The following GOLGA6L22 variants were observed in gnomAD, a reference collection of about 807,000 sequenced individuals.
GOLGA6L22 encodes the protein golgin A6 family like 22.
GOLGA6L22 carries 28 observed loss-of-function variants against 77.1 expected under a neutral mutation model. The ratio of observed to expected loss-of-function variants is 0.36; its 90% confidence interval spans 0.27 to 0.50. The LOEUF is 0.50. GOLGA6L22 is among the 20% of genes least tolerant of loss of function. The pLI is 0.97. For missense variants in GOLGA6L22, 250 were observed against 620.4 expected (o/e 0.40, Z 6.34); for synonymous variants, 62 against 185.3 (o/e 0.33, Z 5.41).
chr15:22,461,959 C>A, intron 2 of GOLGA6L22, 75 bp from the exon 3 acceptor site: 1 of 1,395,868 alleles, frequency 7.2e-7, no homozygotes, highest in South Asian at 1.3e-5. Flanking sequence ...GACAGTGGTG[C>A]CATTCTGGGG....
At position 22,464,604 on chromosome 15, in the gene GOLGA6L22, G is replaced by A. The variant is rs1487317915; in HGVS notation, c.633+233G>A. 1.6e-5 allele frequency among the ~76,000 whole-genome samples: 2 copies of A among 124,282 alleles called. 1 individual carries two copies. The highest frequency in any genetic ancestry group is 3.3e-5 in the Non-Finnish European group (2 of 61,424). 81.5% of individuals were successfully genotyped at this position (124,282 alleles called of 152,430 possible). On this transcript the variant is annotated intron_variant, in intron 7 of 8. Coordinates refer to ENST00000622895, the Ensembl canonical transcript of GOLGA6L22. ...AAAAATATTTTTTTAAAGGATCATG[G>A]ATGAAAACCATTATTTTATAGATTA... is the stretch of plus-strand genomic sequence containing the variant.
chr15:22,466,358 C>T lies in GOLGA6L22; in HGVS notation c.1966C>T (p.Gln656Ter). ...AGAGCAGGAGGAGATGATGCAGGAA[C>T]AGGAAGAGAAGATGGGGGAGCAGGA... The change falls in exon 8 of 9, where the codon CAG (glutamine) becomes TAG (stop). Residue 656 changes from glutamine (Q) to a stop codon, truncating the protein, a stop_gained. Transcript: ENST00000622895. LOFTEE classifies it high-confidence loss of function. 1.5e-6 allele frequency: 2 copies of T among 1,365,274 alleles called. No individual in the cohort carries two copies. Among genetic ancestry groups the T allele is most frequent in the Non-Finnish European group, 9.8e-7 (1 of 1,018,038 alleles). 84.6% of individuals were successfully genotyped at this position (1,365,274 alleles called of 1,614,324 possible).
At chr15:22,466,048 G>T (rs1325771874) in exon 8 of GOLGA6L22, 3 of 859,332 alleles carry the variant, frequency 3.5e-6, no homozygotes, top group Admixed American at 2.4e-5. Context: ...GGCAGGAGCA[G>T]GAGGAGAAGA....
intron 5 of GOLGA6L22, among the ~76,000 whole-genome samples, chr15:22,463,518 G>A (rs1294010922): frequency 7.6e-6 from 1 of 132,144 alleles, no homozygotes; most frequent in Non-Finnish European, 1.6e-5. Flanking sequence ...CGGTGTGGTG[G>A]CACATGCCTG....
intron 5 of GOLGA6L22, among the ~76,000 whole-genome samples, chr15:22,463,064 C>G (rs1208542040): frequency 1.4e-4 from 19 of 134,052 alleles, no homozygotes; most frequent in East Asian, 4.0e-4. Context: ...ATCAGATATA[C>G]CTGGGTGTTG....
rs867342533 is a variant in GOLGA6L22, at chr15:22,465,780, G to T, written c.1388G>T (p.Arg463Leu). ...GTGTGGAGGCAGGAGGAGAAGATAC[G>T]GGAGCAGGAGAAGAAACGGGAGCAG... The change falls in exon 8 of 9, where the codon CGG (arginine) becomes CTG (leucine). Residue 463 changes from arginine to leucine, a missense_variant. Arg to Leu is a moderately radical substitution (Grantham distance 102, BLOSUM62 -2). Transcript: ENST00000622895. 3 of 1,381,742 alleles carry T rather than the reference G, an allele frequency of 2.2e-6. 1 individual carries two copies. The highest frequency in any genetic ancestry group is 2.9e-6 in the Non-Finnish European group (3 of 1,047,168). The allele number at this position is 1,381,742 out of a possible 1,614,324, so 85.6% of individuals were successfully genotyped here.
chr15:22,461,002 G>C, intron 2 of GOLGA6L22, 54 bp downstream of exon 2: 1 of 1,238,256 alleles, frequency 8.1e-7, no homozygotes, highest in Non-Finnish European at 1.1e-6. Context: ...GGGTGGTGGA[G>C]GGTAATTGTT....
At chr15:22,468,800 A>G (rs1341163062) in exon 9 of GOLGA6L22, 4 of 43,310 alleles carry the variant, frequency 9.2e-5, no homozygotes, top group Non-Finnish European at 1.5e-4. Context: ...AGCCTCCCAA[A>G]GTGCTGGGAT....
rs1887732001 is a variant in GOLGA6L22 at position 22,466,583 on chromosome 15, C to CAAGAACA, written c.2191_2192insAAGAACA (p.Arg731GlnfsTer46). 2 of 1,147,846 alleles carry CAAGAACA rather than the reference C, an allele frequency of 1.7e-6. No homozygotes were observed. Among genetic ancestry groups the CAAGAACA allele is most frequent in the Non-Finnish European group, 2.4e-6 (2 of 829,814 alleles). 71.1% of individuals were successfully genotyped at this position (1,147,846 alleles called of 1,614,324 possible). ...GATGCAAGAACAGGAGGAGAAGATG[C>CAAGAACA]GGAGGCAGGAGGAGAAGATAAGGGA... On this transcript the variant is annotated frameshift_variant, in exon 8 of 9. Transcript: ENST00000622895. LOFTEE classifies it high-confidence loss of function.
At chr15:22,465,935 C>A in exon 8 of GOLGA6L22, 1 of 971,376 alleles carries the variant, frequency 1.0e-6, no homozygotes. Flanking sequence ...GGAGAAGAGG[C>A]AGGAGCAGGA....
At chr15:22,468,600 T>C (rs1887771581) in exon 9 of GOLGA6L22, 1 of 19,542 alleles carries the variant, frequency 5.1e-5, no homozygotes, top group Non-Finnish European at 1.0e-4. Flanking sequence ...CAGGCTCTAG[T>C]GCAATGGCAC....
intron 7 of GOLGA6L22, among the ~76,000 whole-genome samples, chr15:22,464,788 CA>C: frequency 7.9e-6 from 1 of 127,074 alleles, no homozygotes; most frequent in Non-Finnish European, 1.6e-5. Context: ...GCTGGGACTA[CA>C]GGTGCCCACC....
rs545444489 is a variant in GOLGA6L22 at position 22,466,501 on chromosome 15, A to C, written c.2109A>C (p.Arg703=). 11 of 863,604 alleles carry C rather than the reference A, an allele frequency of 1.3e-5. No individual in the cohort carries two copies. In the African/African-American group the frequency reaches 2.6e-4, roughly 21 times the overall value. The allele number at this position is 863,604 out of a possible 1,614,324, so 53.5% of individuals were successfully genotyped here. Residue 703 remains arginine, a synonymous_variant, in exon 8 of 9, where the codon CGA becomes CGC. Transcript: ENST00000622895. ...TACGGGAGCAGGAGGAGAAGATACGAGAGCAGGAGGAGATGATGCAGGAAC... is the reference window on the plus strand; with the variant it reads ...TACGGGAGCAGGAGGAGAAGATACGCGAGCAGGAGGAGATGATGCAGGAAC...
At chr15:22,466,820 C>A in exon 8 of GOLGA6L22, 1 of 527,510 alleles carries the variant, frequency 1.9e-6, no homozygotes, top group Non-Finnish European at 3.2e-6. Flanking sequence ...GATGCAGGAA[C>A]ACTAGGTGAG....
intron 5 of GOLGA6L22, among the ~76,000 whole-genome samples, 191 bp from the exon 6 acceptor site, chr15:22,463,650 A>C (rs1887590606): frequency 7.8e-6 from 1 of 129,032 alleles, no homozygotes; most frequent in East Asian, 2.2e-4. Context: ...AAACTCTGCC[A>C]AAAAAAAAAA....
exon 8 of GOLGA6L22, chr15:22,466,514 A>T (rs1321493783): frequency 1.7e-6 from 2 of 1,151,016 alleles, no homozygotes; most frequent in Non-Finnish European, 2.4e-6. Flanking sequence ...GCAGGAGGAG[A>T]TGATGCAGGA....
Position 22,462,022 on chromosome 15 carries a change from C to T in GOLGA6L22, c.181-12C>T, listed in dbSNP as rs1173218855. ...TACCCCTAGTAAGAGCTCTGTTTTC[C>T]TCTTTCTATAGGAACAGAAGGCAAG... On this transcript the variant is annotated splice_polypyrimidine_tract_variant and intron_variant, in intron 2 of 8. Transcript: ENST00000622895. The T allele has an allele frequency of 6.8e-7, 1 of 1,461,902 alleles. No individual in the cohort carries two copies. Among genetic ancestry groups the T allele is most frequent in the East Asian group, 2.4e-5 (1 of 42,504 alleles). The allele number at this position is 1,461,902 out of a possible 1,614,324, so 90.6% of individuals were successfully genotyped here.
At chr15:22,469,054 A>G (rs1303880899) in exon 9 of GOLGA6L22, 2 of 132,064 alleles carry the variant, frequency 1.5e-5, no homozygotes, top group Admixed American at 7.4e-5. Context: ...TGCTGAGGAC[A>G]TTGGTACTGG....
In GOLGA6L22 at chr15:22,465,971, A is replaced by T; in HGVS notation, c.1579A>T (p.Lys527Ter). 1.1e-6 allele frequency: 1 copy of T among 929,154 alleles called. No homozygotes were observed. The highest frequency in any genetic ancestry group is 2.6e-5 in the Admixed American group (1 of 38,968). 57.6% of individuals were successfully genotyped at this position (929,154 alleles called of 1,614,324 possible). The change falls in exon 8 of 9, where the codon AAG becomes TAG. Residue 527 changes from lysine to a stop codon, truncating the protein, a stop_gained. Transcript: ENST00000622895. LOFTEE classifies it high-confidence loss of function. ...GGATAAGATGTGGAGGCAGGAGGAG[A>T]AGATACGGGAGCAGGAGGAGAAGGT...
Sources: allele counts gnomAD v4.1 joint callset (sites outside exome capture counted in the v4.1 genomes callset), GRCh38; gene constraint gnomAD v4.1.1; transcripts MANE v1.5; gene names NCBI Gene and HGNC (gene_info 2026-07-23, HGNC 2026-07-21).